Variants in SOX5 observed in about 807,000 individuals in gnomAD.
SOX5 encodes the protein SRY-box transcription factor 5, also known as transcription factor SOX-5.
In SOX5, 9 loss-of-function variants were observed where a neutral mutation model predicts 92.0. That is an observed-to-expected ratio of 0.10 (90% CI 0.06 to 0.17). The LOEUF is 0.17. SOX5 is among the 10% of genes least tolerant of loss of function. SOX5 has a pLI of 1.00. For synonymous variants in SOX5, 344 were observed against 336.3 expected (o/e 1.02, Z -0.25); for missense variants, 642 against 944.5 (o/e 0.68, Z 4.20).
chr12:24,060,246 T>C (rs907754354), intron 4 of SOX5, among the ~76,000 whole-genome samples: 1 of 152,210 alleles, frequency 6.6e-6, no homozygotes, highest in African/African-American at 2.4e-5. Context: ...GTAGATACAA[T>C]TATTATCCCA....
intron 3 of SOX5, among the ~76,000 whole-genome samples, chr12:24,239,486 G>C (rs993264129): frequency 6.6e-6 from 1 of 152,026 alleles, no homozygotes; most frequent in Non-Finnish European, 1.5e-5. Context: ...ATTTTTATAG[G>C]ACTTCTGAAA....
At chr12:24,389,236 T>C (rs1958734878) in intron 1 of SOX5, among the ~76,000 whole-genome samples, 1 of 152,200 alleles carries the variant, frequency 6.6e-6, no homozygotes, top group South Asian at 2.1e-4. Flanking sequence ...GATAGTTTAC[T>C]GAGAATGATG....
At chr12:24,307,314 ACTGT>A (rs1410324863) in intron 2 of SOX5, among the ~76,000 whole-genome samples, 46 of 119,086 alleles carry the variant, frequency 3.9e-4, no homozygotes, top group African/African-American at 1.1e-3. Flanking sequence ...GAAAATATAG[ACTGT>A]CTTTTTTCAT....
rs2091771154 is a variant in SOX5 at position 23,709,079 on chromosome 12, T to C, written c.810+25605A>G. ...GAAGGTTAGGGACAAACAAAATGGG[T>C]TCAGGGAATCTTTTATTTTTAAATT... On this transcript the variant is annotated intron_variant, in intron 6 of 14. Coordinates refer to ENST00000451604, the MANE Select transcript of SOX5 (RefSeq NM_006940.6). 1.3e-5 allele frequency among the ~76,000 whole-genome samples: 2 copies of C among 151,944 alleles called. 1 individual carries two copies. The highest frequency in any genetic ancestry group is 4.2e-4 in the South Asian group (2 of 4,818).
intron 4 of SOX5, among the ~76,000 whole-genome samples, chr12:24,144,220 G>C (rs952567987): frequency 1.3e-5 from 2 of 152,084 alleles, no homozygotes; most frequent in Non-Finnish European, 2.9e-5. Flanking sequence ...CCTTGGAAAA[G>C]TTAGATATAA....
At chr12:24,269,405 C>T (rs1463521242) in intron 3 of SOX5, among the ~76,000 whole-genome samples, 1 of 152,100 alleles carries the variant, frequency 6.6e-6, no homozygotes, top group African/African-American at 2.4e-5. Context: ...AATGGTATAA[C>T]TAATCATTAT....
At chr12:23,540,271 A>G (rs1941666807) in intron 13 of SOX5, among the ~76,000 whole-genome samples, 1 of 151,510 alleles carries the variant, frequency 6.6e-6, no homozygotes, top group Non-Finnish European at 1.5e-5. Context: ...ACGCTAAATG[A>G]CGAGTTAATG....
At position 24,021,616 on chromosome 12, in the gene SOX5, G is replaced by T. The variant is rs1954301831; in HGVS notation, c.-1-125592C>A. Among the ~76,000 whole-genome samples, 2 of 152,130 alleles carry T rather than the reference G, an allele frequency of 1.3e-5. 1 individual carries two copies. The highest frequency in any genetic ancestry group is 4.1e-4 in the South Asian group (2 of 4,830). ...AAATGACAAAATAATAATCTTCAGA[G>T]ATTTTAATATAAGAATTCCAAGATA... On this transcript the variant is annotated intron_variant, in intron 4 of 4. Transcript: ENST00000446891.
intron 4 of SOX5, among the ~76,000 whole-genome samples, chr12:23,974,152 G>A (rs1948659868): frequency 1.3e-5 from 2 of 152,122 alleles, no homozygotes; most frequent in African/African-American, 2.4e-5. Context: ...ATATACGAAT[G>A]TAGTCTCTCT....
chr12:23,979,173 C>T (rs191939486), intron 4 of SOX5, among the ~76,000 whole-genome samples: 1 of 152,032 alleles, frequency 6.6e-6, no homozygotes, highest in East Asian at 1.9e-4. Flanking sequence ...TTTAGGACAA[C>T]TAAAAGCTGA....
chr12:24,359,148 T>C (rs1955213372), intron 2 of SOX5, among the ~76,000 whole-genome samples: 2 of 152,218 alleles, frequency 1.3e-5, no homozygotes, highest in African/African-American at 4.8e-5. Context: ...AGGAAATTCT[T>C]CTTGGTAGTA....
chr12:23,755,541 G>A, intron 4 of SOX5, 97 bp downstream of exon 4: 1 of 827,576 alleles, frequency 1.2e-6, no homozygotes, highest in Non-Finnish European at 1.9e-6. Flanking sequence ...GCAAGAAGCA[G>A]AAGAGGTGAG....
intron 4 of SOX5, among the ~76,000 whole-genome samples, chr12:24,208,492 T>C (rs1245298042): frequency 6.6e-6 from 1 of 152,210 alleles, no homozygotes; most frequent in African/African-American, 2.4e-5. Context: ...GAGCTTTAAA[T>C]ATATCCTTGG....
At chr12:23,874,420 G>A (rs2096905972) in intron 2 of SOX5, among the ~76,000 whole-genome samples, 1 of 152,100 alleles carries the variant, frequency 6.6e-6, no homozygotes, top group African/African-American at 2.4e-5. Context: ...CAACCTTGGT[G>A]CTCTTAGAAA....
At chr12:24,518,671 A>G (rs1397696538) in intron 1 of SOX5, among the ~76,000 whole-genome samples, 28 of 152,212 alleles carry the variant, frequency 1.8e-4, no homozygotes, top group Non-Finnish European at 8.8e-5. Context: ...TAAAATAGGT[A>G]AGAGAATGCG....
chr12:23,588,108 T>G (rs1338313243), intron 9 of SOX5, among the ~76,000 whole-genome samples: 3 of 152,096 alleles, frequency 2.0e-5, no homozygotes, highest in Non-Finnish European at 4.4e-5. Flanking sequence ...GAATGTCAGT[T>G]AAGGCCAGTT....
intron 4 of SOX5, among the ~76,000 whole-genome samples, chr12:24,181,098 T>A (rs940116341): frequency 6.6e-6 from 1 of 152,174 alleles, no homozygotes; most frequent in Non-Finnish European, 1.5e-5. Flanking sequence ...ATTCCATGGT[T>A]GGAGGAAAAA....
intron 1 of SOX5, among the ~76,000 whole-genome samples, chr12:24,479,300 T>C (rs946310553): frequency 3.3e-5 from 5 of 152,226 alleles, no homozygotes; most frequent in Non-Finnish European, 7.3e-5. Context: ...ATCTCTCTTA[T>C]TGTATGTGTC....
At chr12:24,529,340 C>T (rs1363528380) in intron 1 of SOX5, among the ~76,000 whole-genome samples, 1 of 152,134 alleles carries the variant, frequency 6.6e-6, no homozygotes, top group Non-Finnish European at 1.5e-5. Flanking sequence ...AGAAGTGAGT[C>T]TAAAATAAAT....
Sources: allele counts gnomAD v4.1 joint callset (sites outside exome capture counted in the v4.1 genomes callset), GRCh38; gene constraint gnomAD v4.1.1; transcripts MANE v1.5; gene names NCBI Gene and HGNC (gene_info 2026-07-23, HGNC 2026-07-21).